The following FBXL13 variants were observed in gnomAD, a reference collection of about 807,000 sequenced individuals.
FBXL13 encodes F-box and leucine rich repeat protein 13.
A neutral mutation model predicts 83.6 loss-of-function variants in FBXL13; 67 were observed. The ratio of observed to expected loss-of-function variants is 0.80; its 90% CI spans 0.66 to 0.98. FBXL13 has a LOEUF of 0.98. FBXL13 is among the 50% of genes least tolerant of loss of function. The pLI, the probability that FBXL13 is intolerant of heterozygous loss-of-function variation, is 0.00. For synonymous variants in FBXL13, 272 were observed against 299.5 expected, an observed-to-expected ratio of 0.91 and a Z score of 0.95; for missense variants, 822 against 866.5, an observed-to-expected ratio of 0.95 and a Z score of 0.64.
intron 16 of FBXL13, among the ~76,000 whole-genome samples, chr7:102,858,762 A>C (rs74300432): frequency 0.02 from 3,083 of 152,306 alleles, 130 homozygotes; most frequent in East Asian, 0.16. Flanking sequence ...GTTTGATTCC[A>C]TTTGTATGAA....
At chr7:102,947,655 C>CT (rs1403903939) in intron 8 of FBXL13, among the ~76,000 whole-genome samples, 1 of 152,022 alleles carries the variant, frequency 6.6e-6, no homozygotes, top group South Asian at 2.1e-4. Flanking sequence ...TTGGATGTCT[C>CT]TTTTTTACGA....
intron 2 of FBXL13, among the ~76,000 whole-genome samples, chr7:103,034,257 TG>T (rs1239117727): frequency 6.6e-6 from 1 of 152,070 alleles, no homozygotes; most frequent in Non-Finnish European, 1.5e-5. Context: ...CCTCAGCCAT[TG>T]GGTGGTCGAT....
intron 6 of FBXL13, among the ~76,000 whole-genome samples, chr7:103,010,906 A>G (rs1348994966): frequency 2.0e-5 from 3 of 152,218 alleles, no homozygotes; most frequent in Non-Finnish European, 2.9e-5. Flanking sequence ...AAACATGGGC[A>G]TGGAGAGAGT....
intron 11 of FBXL13, among the ~76,000 whole-genome samples, chr7:102,907,347 T>C (rs1337397583): frequency 6.6e-6 from 1 of 152,166 alleles, no homozygotes; most frequent in Non-Finnish European, 1.5e-5. Context: ...TACTTTAAGT[T>C]CTAGGGTACA....
intron 2 of FBXL13, among the ~76,000 whole-genome samples, chr7:103,037,300 A>T (rs1177563040): frequency 6.6e-6 from 1 of 152,170 alleles, no homozygotes; most frequent in Non-Finnish European, 1.5e-5. Flanking sequence ...TTATCAACCA[A>T]CTGATTCTTA....
chr7:102,851,489 T>C (rs1341836616), intron 17 of FBXL13, among the ~76,000 whole-genome samples: 1 of 96,494 alleles, frequency 1.0e-5, no homozygotes, highest in Non-Finnish European at 1.9e-5. Flanking sequence ...TCCCTTTCCT[T>C]CTTCTCCTTC....
chr7:102,845,708 T>C (rs951958681), intron 17 of FBXL13, among the ~76,000 whole-genome samples: 5 of 152,330 alleles, frequency 3.3e-5, no homozygotes, highest in African/African-American at 7.2e-5. Flanking sequence ...TTGTTCAGGT[T>C]GCTATCCTGT....
chr7:102,911,795 C>T (rs1430814646), intron 11 of FBXL13, among the ~76,000 whole-genome samples: 1 of 152,156 alleles, frequency 6.6e-6, no homozygotes, highest in Non-Finnish European at 1.5e-5. Flanking sequence ...AGGAGAACGT[C>T]AATGCCATCT....
intron 8 of FBXL13, among the ~76,000 whole-genome samples, chr7:102,941,761 GATT>G (rs1044100353): frequency 2.0e-5 from 3 of 150,886 alleles, no homozygotes; most frequent in African/African-American, 7.3e-5. Flanking sequence ...AAAAAAAAAA[GATT>G]ATAATAGTTA....
intron 6 of FBXL13, among the ~76,000 whole-genome samples, chr7:103,018,707 C>T (rs1197555445): frequency 6.6e-6 from 1 of 152,020 alleles, no homozygotes; most frequent in Non-Finnish European, 1.5e-5. Flanking sequence ...TTTAAACCAA[C>T]GAAGATCAAA....
intron 2 of FBXL13, among the ~76,000 whole-genome samples, chr7:103,043,386 GT>G (rs1230489977): frequency 6.6e-6 from 1 of 152,202 alleles, no homozygotes; most frequent in East Asian, 1.9e-4. Context: ...GTGTAAATTA[GT>G]TCAACTGTTG....
chr7:102,924,641 CTTTT>C (rs71106699), intron 10 of FBXL13, among the ~76,000 whole-genome samples: 2 of 121,036 alleles, frequency 1.7e-5, no homozygotes, highest in Admixed American at 9.7e-5. Context: ...GTAAGCTTTT[CTTTT>C]TTTTTTTTTT....
chr7:102,953,974 G>A (rs528270003), intron 8 of FBXL13, among the ~76,000 whole-genome samples: 17 of 152,202 alleles, frequency 1.1e-4, no homozygotes, highest in African/African-American at 3.1e-4. Flanking sequence ...CAAGATGGCC[G>A]AATAGGAACA....
intron 6 of FBXL13, among the ~76,000 whole-genome samples, chr7:103,010,072 A>G (rs1339507248): frequency 6.6e-6 from 1 of 150,946 alleles, no homozygotes; most frequent in Non-Finnish European, 1.5e-5. Context: ...CGCCCACCCC[A>G]CTACTGGTAA....
chr7:102,869,004 G>A (rs527428568), intron 16 of FBXL13, among the ~76,000 whole-genome samples: 12 of 152,174 alleles, frequency 7.9e-5, no homozygotes, highest in African/African-American at 2.7e-4. Flanking sequence ...CAAGTAGTGG[G>A]ATTGCCAGAA....
At chr7:102,986,101 CTT>C (rs918712136) in intron 6 of FBXL13, among the ~76,000 whole-genome samples, 1 of 151,504 alleles carries the variant, frequency 6.6e-6, no homozygotes, top group African/African-American at 2.4e-5. Context: ...TGCCTGTCCT[CTT>C]TATTTAGGAT....
chr7:102,973,794 T>C lies in FBXL13; in HGVS notation c.496-5677A>G, dbSNP rs1170299256. On this transcript the variant is annotated intron_variant, in intron 6 of 19. Coordinates refer to ENST00000313221, the Ensembl canonical transcript of FBXL13. ...CTGGTAAGTTTCCCGGGAGCCCGGT[T>C]AACAAGGAAAAATCCATACAGCCTC... 3 of 748,134 alleles carry C rather than the reference T, an allele frequency of 4.0e-6. No individual in the cohort carries two copies. The East Asian group carries it at 7.4e-5, about 18-fold the overall frequency. The allele number at this position is 748,134 out of a possible 1,614,324, so 46.3% of individuals were successfully genotyped here. A position where few individuals can be genotyped will look rare whatever the true frequency, so the allele number is the denominator to read the frequency against.
At chr7:102,829,735 C>T (rs17136084) in intron 18 of FBXL13, among the ~76,000 whole-genome samples, 4,446 of 152,186 alleles carry the variant, frequency 0.029, 187 homozygotes, top group East Asian at 0.16. Flanking sequence ...AAGGAAAAGC[C>T]GGCCTTTCTG....
At chr7:103,058,197 A>C (rs1054188240) in intron 1 of FBXL13, among the ~76,000 whole-genome samples, 19 of 152,190 alleles carry the variant, frequency 1.2e-4, no homozygotes, top group African/African-American at 4.3e-4. Flanking sequence ...TCAAGCAGGA[A>C]GCTCAGTCCT....
Sources: allele counts gnomAD v4.1 joint callset (sites outside exome capture counted in the v4.1 genomes callset), GRCh38; gene constraint gnomAD v4.1.1; transcripts MANE v1.5; gene names NCBI Gene and HGNC (gene_info 2026-07-23, HGNC 2026-07-21).